PCDHGB7: variants seen among roughly 807,000 people sequenced by gnomAD.
The protein encoded by PCDHGB7 is protocadherin gamma subfamily B, 7, also known as protocadherin gamma-B7.
A neutral mutation model predicts 61.4 loss-of-function variants in PCDHGB7; 37 were observed. The ratio of observed to expected loss-of-function variants is 0.60; its 90% CI spans 0.46 to 0.79. The LOEUF (loss-of-function observed/expected upper bound fraction) is 0.79, where lower values mean the gene tolerates loss of function less well. Among genes scored for constraint, PCDHGB7 ranks in the 30% least tolerant of loss-of-function variants. The pLI is 0.00. For missense variants in PCDHGB7, 1,166 were observed against 1,202.5 expected, an observed-to-expected ratio of 0.97 and a Z score of 0.45; for synonymous variants, 464 against 503.5, an observed-to-expected ratio of 0.92 and a Z score of 1.05.
intron 1 of PCDHGB7, chr5:141,492,046 AC>A (rs955983612): frequency 2.0e-6 from 1 of 494,316 alleles, no homozygotes; most frequent in African/African-American, 2.0e-5. Context: ...TCACAGATCC[AC>A]CCCTGCAGCC....
At position 141,491,201 on chromosome 5, in the gene PCDHGB7, C is replaced by T. The variant is rs752813291; in HGVS notation, c.2416-3606C>T. The T allele has an allele frequency of 3.7e-6, 6 of 1,614,226 alleles. No homozygotes were observed. The Admixed American group carries it at 5.0e-5, about 13-fold the overall frequency. On this transcript the variant is annotated intron_variant, in intron 1 of 3. Transcript: ENST00000398594. This position sits in a 1 kb window ranked among gnomAD's most constrained non-coding sequence, Gnocchi z 6.9. ...GTCCTGGTGAGGGACAATGGTGACCCTTCACTCTCCTCCACAGCCACAGTG... is the reference window on the plus strand; with the variant it reads ...GTCCTGGTGAGGGACAATGGTGACCTTTCACTCTCCTCCACAGCCACAGTG...
Position 141,485,954 on chromosome 5 carries a change from C to T in PCDHGB7, c.2416-8853C>T, listed in dbSNP as rs2154580519. The T allele has an allele frequency of 6.2e-7, 1 of 1,614,190 alleles. No individual in the cohort carries two copies. The highest frequency in any genetic ancestry group is 8.5e-7 in the Non-Finnish European group (1 of 1,180,038). ...GGAGAGCGCACCAGCGGGCATGGTG[C>T]TCATCCAGCTCAATGCCTCAGACCC... On this transcript the variant is annotated intron_variant, in intron 1 of 3. Coordinates refer to ENST00000398594, the MANE Select transcript of PCDHGB7 (RefSeq NM_018927.4). The surrounding 1 kb of genome is among the most constrained non-coding windows in gnomAD (Gnocchi z 5.7).
intron 1 of PCDHGB7, chr5:141,478,884 C>T (rs767294994): frequency 9.2e-5 from 110 of 1,194,180 alleles, no homozygotes; most frequent in Non-Finnish European, 1.2e-4. Context: ...AGCTTGGTAT[C>T]ATTTACATTA....
rs1591273286 is a variant in PCDHGB7, at chr5:141,433,311, T to A, written c.2415+13037T>A. 11 of 870,402 alleles carry A rather than the reference T, an allele frequency of 1.3e-5. No individual in the cohort carries two copies. The East Asian group carries it at 2.9e-4, about 23-fold the overall frequency. 53.9% of individuals were successfully genotyped at this position (870,402 alleles called of 1,614,324 possible). A position where few individuals can be genotyped will look rare whatever the true frequency, so the allele number is the denominator to read the frequency against. On this transcript the variant is annotated intron_variant, in intron 1 of 3. Coordinates refer to ENST00000398594, the MANE Select transcript of PCDHGB7 (RefSeq NM_018927.4). Reference sequence around the variant, plus strand: ...TAGGCTCAAGCAATTATCCCACCTTTGCCTCCGGTGTAACAGGGACTACAG... The same window carrying A: ...TAGGCTCAAGCAATTATCCCACCTTAGCCTCCGGTGTAACAGGGACTACAG...
At position 141,487,635 on chromosome 5, in the gene PCDHGB7, A is replaced by C. The variant is rs1594699829; in HGVS notation, c.2416-7172A>C. 1.2e-6 allele frequency: 2 copies of C among 1,614,204 alleles called. No individual in the cohort carries two copies. Among genetic ancestry groups the C allele is most frequent in the Non-Finnish European group, 1.7e-6 (2 of 1,180,034 alleles). On this transcript the variant is annotated intron_variant, in intron 1 of 3. Transcript: ENST00000398594. The surrounding 1 kb of genome is among the most constrained non-coding windows in gnomAD (Gnocchi z 5.0). Reference sequence around the variant, plus strand: ...CTAGAGGTGAGACCTTTGCAGGCTCAACAAATGCTTGAGGGTTATTCTGAT... The same window carrying C: ...CTAGAGGTGAGACCTTTGCAGGCTCCACAAATGCTTGAGGGTTATTCTGAT...
chr5:141,427,839 G>T, intron 1 of PCDHGB7: 1 of 1,547,310 alleles, frequency 6.5e-7, no homozygotes, highest in Non-Finnish European at 8.8e-7. Flanking sequence ...GCGTGCCTTC[G>T]ACCACGAGCA....
At chr5:141,466,974 C>G (rs1314224956) in intron 1 of PCDHGB7, among the ~76,000 whole-genome samples, 1 of 151,944 alleles carries the variant, frequency 6.6e-6, no homozygotes, top group Non-Finnish European at 1.5e-5. Context: ...TCTCACAGCT[C>G]ATCATTTACC....
intron 1 of PCDHGB7, chr5:141,421,214 G>T (rs1469085534): frequency 5.1e-6 from 8 of 1,561,612 alleles, no homozygotes; most frequent in Non-Finnish European, 6.9e-6. Flanking sequence ...CGGAATATCG[G>T]CTTAGAGCCT....
chr5:141,431,731 T>G lies in PCDHGB7; in HGVS notation c.2415+11457T>G. 6.2e-7 allele frequency: 1 copy of G among 1,614,210 alleles called. No homozygotes were observed. The highest frequency in any genetic ancestry group is 8.5e-7 in the Non-Finnish European group (1 of 1,180,034). Reference sequence around the variant, plus strand: ...AGATGGAAGTGCAAGCAATGGATAATGCAGGATATTCTGCGCGAGCCAAAG... The same window carrying G: ...AGATGGAAGTGCAAGCAATGGATAAGGCAGGATATTCTGCGCGAGCCAAAG... On this transcript the variant is annotated intron_variant, in intron 1 of 3. Coordinates refer to ENST00000398594, the MANE Select transcript of PCDHGB7 (RefSeq NM_018927.4). The surrounding 1 kb of genome is among the most constrained non-coding windows in gnomAD (Gnocchi z 4.8).
At position 141,430,974 on chromosome 5, in the gene PCDHGB7, C is replaced by T. The variant is rs141488923; in HGVS notation, c.2415+10700C>T. The T allele has an allele frequency of 7.0e-4, 1,130 of 1,613,070 alleles. 8 individuals carry two copies. In the African/African-American group the frequency reaches 0.014, roughly 19 times the overall value. On this transcript the variant is annotated intron_variant, in intron 1 of 3. Transcript: ENST00000398594. ...GTCCGCATCATCCCCAGAGGTAGGA[C>T]GCAGCTTTTCGCCCTGAATCCGCGC...
At chr5:141,423,750 T>TGG (rs144521096) in intron 1 of PCDHGB7, 9,462 of 287,056 alleles carry the variant, frequency 0.033, 140 homozygotes, top group African/African-American at 0.097. Flanking sequence ...GAAAACTGTT[T>TGG]GGGGGGGGGG....
At position 141,489,258 on chromosome 5, in the gene PCDHGB7, C is replaced by T. The variant is rs1594800449; in HGVS notation, c.2416-5549C>T. 3.2e-6 allele frequency: 5 copies of T among 1,551,530 alleles called. No individual in the cohort carries two copies. Among genetic ancestry groups the T allele is most frequent in the African/African-American group, 1.4e-5 (1 of 73,276 alleles). On this transcript the variant is annotated intron_variant, in intron 1 of 3. Coordinates refer to ENST00000398594, the MANE Select transcript of PCDHGB7 (RefSeq NM_018927.4). This position sits in a 1 kb window ranked among gnomAD's most constrained non-coding sequence, Gnocchi z 4.5. Reference sequence around the variant, plus strand: ...TCTGGGTCATGGGGCCCAAGACACTCCCACAGCTCGCTGGGAAATGGCAAG... The same window carrying T: ...TCTGGGTCATGGGGCCCAAGACACTTCCACAGCTCGCTGGGAAATGGCAAG...
rs539719239 is a variant in PCDHGB7, at chr5:141,431,888, G to A, written c.2415+11614G>A. The A allele has an allele frequency of 6.2e-7, 1 of 1,614,200 alleles. No homozygotes were observed. The highest frequency in any genetic ancestry group is 1.7e-5 in the Admixed American group (1 of 60,036). On this transcript the variant is annotated intron_variant, in intron 1 of 3. Coordinates refer to ENST00000398594, the MANE Select transcript of PCDHGB7 (RefSeq NM_018927.4). The surrounding 1 kb of genome is among the most constrained non-coding windows in gnomAD (Gnocchi z 4.8). ...TTTAAATGTAAATGACCAAGATTCT[G>A]AGGAAAACGGACAGGTGATCTGTTT... is the stretch of plus-strand genomic sequence containing the variant.
intron 1 of PCDHGB7, among the ~76,000 whole-genome samples, chr5:141,460,454 T>C (rs1010186960): frequency 6.6e-6 from 1 of 152,194 alleles, no homozygotes; most frequent in Admixed American, 6.6e-5. Context: ...TGAAGATTCA[T>C]ATTTTTTTCC....
At chr5:141,482,555 T>C (rs1419129474) in intron 1 of PCDHGB7, among the ~76,000 whole-genome samples, 1 of 116,392 alleles carries the variant, frequency 8.6e-6, no homozygotes, top group African/African-American at 3.8e-5. Context: ...AAAAAGATAA[T>C]GGAGATCTGC....
Position 141,491,755 on chromosome 5 carries a change from G to A in PCDHGB7, c.2416-3052G>A. On this transcript the variant is annotated intron_variant, in intron 1 of 3. Transcript: ENST00000398594. This position sits in a 1 kb window ranked among gnomAD's most constrained non-coding sequence, Gnocchi z 6.9. Reference sequence around the variant, plus strand: ...CCCTGGGGGCGGCACTGGAGAAGCCGCCCGTCCTCATAAGGGATTGAACTT... The same window carrying A: ...CCCTGGGGGCGGCACTGGAGAAGCCACCCGTCCTCATAAGGGATTGAACTT... 6 of 1,582,196 alleles carry A rather than the reference G, an allele frequency of 3.8e-6. No individual in the cohort carries two copies. The highest frequency in any genetic ancestry group is 5.1e-6 in the Non-Finnish European group (6 of 1,165,450).
Position 141,420,245 on chromosome 5 carries a change from G to T in PCDHGB7, c.2386G>T (p.Val796Phe), listed in dbSNP as rs72790042. Reference protein sequence around the residue: ...MLLASILTPSVEADKKILKQQ... With the variant: ...MLLASILTPSFEADKKILKQQ... ...ACTGGCTAGCATTTTAACTCCCAGC[G>T]TTGAAGCAGATAAGAAGATTCTTAA... The change falls in exon 1 of 4, where the codon GTT (valine) becomes TTT (phenylalanine). Residue 796 changes from valine (V) to phenylalanine (F), a missense_variant. Transcript: ENST00000398594. 1 of 1,584,230 alleles carries T rather than the reference G, an allele frequency of 6.3e-7. No individual in the cohort carries two copies. The highest frequency in any genetic ancestry group is 2.2e-5 in the East Asian group (1 of 44,622).
At chr5:141,500,184 T>TTATA (rs530565701) in intron 2 of PCDHGB7, among the ~76,000 whole-genome samples, 2 of 135,886 alleles carry the variant, frequency 1.5e-5, no homozygotes, top group Non-Finnish European at 3.2e-5. Flanking sequence ...TCATTTTTAT[T>TTATA]TTTATTTATT....
chr5:141,476,756 C>T lies in PCDHGB7; in HGVS notation c.2416-18051C>T. On this transcript the variant is annotated intron_variant, in intron 1 of 3. Transcript: ENST00000398594. The surrounding 1 kb of genome is among the most constrained non-coding windows in gnomAD (Gnocchi z 7.6). ...ACGGGAGCCTAGTCTCCAGTTAGTGCTGACGGCGTTGGACGGAGGGACCCC... is the reference window on the plus strand; with the variant it reads ...ACGGGAGCCTAGTCTCCAGTTAGTGTTGACGGCGTTGGACGGAGGGACCCC... 3 of 1,613,928 alleles carry T rather than the reference C, an allele frequency of 1.9e-6. No homozygotes were observed. Among genetic ancestry groups the T allele is most frequent in the Non-Finnish European group, 2.5e-6 (3 of 1,180,010 alleles).
Sources: gnomAD v4.1 joint callset for allele counts (sites outside exome capture counted in the v4.1 genomes callset) on GRCh38, gnomAD v4.1.1 for gene constraint, Gnocchi (gnomAD v3.1) non-coding constraint, MANE v1.5 for transcripts, NCBI Gene and HGNC (gene_info 2026-07-23, HGNC 2026-07-21) for gene names.